Variants in MYLK2 observed in about 807,000 individuals in gnomAD.
MYLK2 encodes myosin light chain kinase 2, skeletal/cardiac muscle.
In MYLK2, 27 loss-of-function variants were observed where a neutral mutation model predicts 58.2. The ratio of observed to expected loss-of-function variants is 0.46; its 90% confidence interval spans 0.34 to 0.64. The LOEUF (loss-of-function observed/expected upper bound fraction) is 0.64, where lower values mean the gene tolerates loss of function less well. MYLK2 is among the 30% of genes least tolerant of loss of function. The probability of loss-of-function intolerance (pLI) is 0.01; values close to 1 mark genes in which losing one functional copy is unlikely to be tolerated. For synonymous variants in MYLK2, 310 were observed against 296.7 expected (o/e 1.04, Z -0.46); for missense variants, 676 against 764.3 (o/e 0.88, Z 1.36).
intron 4 of MYLK2, among the ~76,000 whole-genome samples, chr20:31,822,788 C>T (rs1383293111): frequency 2.0e-5 from 3 of 152,178 alleles, no homozygotes; most frequent in African/African-American, 7.2e-5. Context: ...CCCTAGCAGC[C>T]GCAGAGACCT....
intron 6 of MYLK2, among the ~76,000 whole-genome samples, chr20:31,825,331 G>A (rs529464941): frequency 6.6e-6 from 1 of 152,248 alleles, no homozygotes; most frequent in African/African-American, 2.4e-5. Context: ...ACAGGCTCTG[G>A]CTCAGCATAG....
chr20:31,832,681 C>CG (rs774920459), intron 12 of MYLK2, among the ~76,000 whole-genome samples: 1 of 151,950 alleles, frequency 6.6e-6, no homozygotes, highest in Non-Finnish European at 1.5e-5. Context: ...TTAGTGGAGA[C>CG]GGGGTTTCAC....
chr20:31,831,711 G>A lies in MYLK2; in HGVS notation c.1433G>A (p.Gly478Asp), dbSNP rs1338253947. 2.5e-6 allele frequency: 4 copies of A among 1,613,968 alleles called. No homozygotes were observed. The highest frequency in any genetic ancestry group is 1.7e-5 in the Admixed American group (1 of 59,998). ...MGVITYMLLS[G>D]LSPFLGDDDT... Reference sequence around the variant, plus strand: ...CTATCCCCTCCCTCTAGGCTGAGCGGCCTCTCCCCCTTCCTGGGAGATGAT... The same window carrying A: ...CTATCCCCTCCCTCTAGGCTGAGCGACCTCTCCCCCTTCCTGGGAGATGAT... The change falls in exon 11 of 13, where the codon GGC (glycine) becomes GAC (aspartate). Residue 478 changes from glycine to aspartate, a missense_variant. Physicochemically the swap from Gly to Asp is moderately conservative, Grantham distance 94. Around this residue, in one of 2 missense-constraint regions of MYLK2, gnomAD observed 370 missense variants for 467.8 expected, o/e 0.79. Coordinates refer to ENST00000375985, the MANE Select transcript of MYLK2 (RefSeq NM_033118.4).
intron 4 of MYLK2, among the ~76,000 whole-genome samples, chr20:31,822,564 C>T (rs908969161): frequency 1.3e-5 from 2 of 151,762 alleles, no homozygotes; most frequent in African/African-American, 4.8e-5. Flanking sequence ...GCTTGGCCAG[C>T]AGGTGAATAG....
intron 8 of MYLK2, 118 bp from the exon 9 acceptor site, chr20:31,830,701 C>A: frequency 9.6e-7 from 1 of 1,041,756 alleles, no homozygotes; most frequent in Non-Finnish European, 1.5e-6. Context: ...TCTCTGGCAG[C>A]TGCCCACTCT....
intron 12 of MYLK2, among the ~76,000 whole-genome samples, chr20:31,832,603 CT>C (rs1412591819): frequency 2.0e-5 from 3 of 152,192 alleles, no homozygotes; most frequent in African/African-American, 7.2e-5. Flanking sequence ...AGCAATTCTC[CT>C]GCCTCAGCCT....
chr20:31,820,423 C>T lies in MYLK2; in HGVS notation c.350C>T (p.Ala117Val), dbSNP rs1229709568. Residue 117 changes from alanine to valine, a missense_variant, in exon 3 of 13, where the codon GCC (alanine) becomes GTC (valine). By Grantham distance (64) the Ala-to-Val change is moderately conservative. This residue lies in a region of MYLK2 where 306 missense variants were observed against 296.5 expected (regional missense o/e 1.03). Transcript: ENST00000375985. ...SVKKPKAEQGASGSQDPGKPR... is the reference protein window; with the variant it reads ...SVKKPKAEQGVSGSQDPGKPR... The stretch of plus-strand genomic sequence containing the variant: ...AAGAAGCCCAAGGCTGAGCAGGGAG[C>T]CTCAGGCAGCCAGGATCCTGGAAAG... 6.2e-7 allele frequency: 1 copy of T among 1,612,860 alleles called. No individual in the cohort carries two copies. Among genetic ancestry groups the T allele is most frequent in the East Asian group, 2.2e-5 (1 of 44,880 alleles).
chr20:31,833,672 C>T, intron 12 of MYLK2, 45 bp from the exon 13 acceptor site: 1 of 1,554,052 alleles, frequency 6.4e-7, no homozygotes, highest in Non-Finnish European at 8.9e-7. Context: ...GCAGCTGCCC[C>T]CCTGCCCTGG....
intron 6 of MYLK2, among the ~76,000 whole-genome samples, chr20:31,825,164 G>A (rs183382896): frequency 3.9e-5 from 6 of 152,328 alleles, no homozygotes; most frequent in African/African-American, 1.2e-4. Context: ...CAGTGAAAGC[G>A]TGAGAAGCAG....
chr20:31,827,072 A>G, intron 8 of MYLK2, 134 bp downstream of exon 8: 1 of 1,513,576 alleles, frequency 6.6e-7, no homozygotes, highest in Admixed American at 2.0e-5. Flanking sequence ...TCATAGATTC[A>G]GAAAGGGTTT....
At chr20:31,821,885 C>T in intron 4 of MYLK2, 148 bp downstream of exon 4, 1 of 657,636 alleles carries the variant, frequency 1.5e-6, no homozygotes, top group Non-Finnish European at 2.5e-6. Flanking sequence ...CACACAACTC[C>T]AGAAAGTATT....
In MYLK2 at chr20:31,824,620, C is replaced by T. The variant is rs902783304; in HGVS notation, c.972+268C>T. 2.9e-5 allele frequency: 28 copies of T among 951,268 alleles called. No homozygotes were observed. In the African/African-American group the frequency reaches 4.8e-4, roughly 16 times the overall value. 58.9% of individuals were successfully genotyped at this position (951,268 alleles called of 1,614,324 possible). On this transcript the variant is annotated intron_variant, in intron 6 of 12. Coordinates refer to ENST00000375985, the MANE Select transcript of MYLK2 (RefSeq NM_033118.4). The stretch of plus-strand genomic sequence containing the variant: ...GATATTCATGCCCTCTGGTTCAATT[C>T]AACAAACACTGATGAGTGTGGGCTC...
intron 4 of MYLK2, among the ~76,000 whole-genome samples, chr20:31,823,107 A>G (rs2062259645): frequency 6.6e-6 from 1 of 152,182 alleles, no homozygotes; most frequent in Non-Finnish European, 1.5e-5. Flanking sequence ...CATTATTCAG[A>G]CATAGCAACC....
Position 31,820,366 on chromosome 20 carries a change from C to G in MYLK2, c.293C>G (p.Pro98Arg). The G allele has an allele frequency of 6.2e-7, 1 of 1,612,714 alleles. No individual in the cohort carries two copies. Among genetic ancestry groups the G allele is most frequent in the Non-Finnish European group, 8.5e-7 (1 of 1,179,776 alleles). ...AGTGCTGGGCCCCCGGCAGCCCTGC[C>G]CCAGCAGACTGCGACACCTGAGACC... ...EGSAGPPAAL[P>R]QQTATPETSV... Residue 98 changes from proline (P) to arginine (R), a missense_variant, in exon 3 of 13, where the codon CCC becomes CGC. Transcript: ENST00000375985.
intron 6 of MYLK2, among the ~76,000 whole-genome samples, chr20:31,825,666 C>T (rs1887732): frequency 0.27 from 41,046 of 151,840 alleles, 6,933 homozygotes; most frequent in African/African-American, 0.47. Flanking sequence ...GATCAGTCCT[C>T]TCTGAGAAAG....
chr20:31,828,264 G>A (rs2062289988), intron 8 of MYLK2: 1 of 985,044 alleles, frequency 1.0e-6, no homozygotes, highest in Non-Finnish European at 1.2e-6. Flanking sequence ...AGCTCTGGGT[G>A]TGGAGCAGGG....
At chr20:31,827,762 G>A (rs1004710730) in intron 8 of MYLK2, among the ~76,000 whole-genome samples, 3 of 151,700 alleles carry the variant, frequency 2.0e-5, no homozygotes, top group Admixed American at 6.6e-5. Context: ...CAAGTGATCC[G>A]CCCACCTCGG....
At position 31,833,934 on chromosome 20, in the gene MYLK2, C is replaced by A; in HGVS notation, c.*137C>A. On this transcript the variant is annotated 3_prime_UTR_variant, in exon 13 of 13. Transcript: ENST00000375985. ...CAAGGCTGTGCCAGGCTGGGAGGCT[C>A]GGGGCTCCCCACGCCCCCATGCAGT... The A allele has an allele frequency of 1.3e-6, 1 of 782,402 alleles. No individual in the cohort carries two copies. Among genetic ancestry groups the A allele is most frequent in the Non-Finnish European group, 2.1e-6 (1 of 477,514 alleles). 48.5% of individuals were successfully genotyped at this position (782,402 alleles called of 1,614,324 possible).
intron 5 of MYLK2, 37 bp from the exon 6 acceptor site, chr20:31,824,222 C>T: frequency 1.2e-6 from 2 of 1,603,794 alleles, no homozygotes; most frequent in East Asian, 4.5e-5. Flanking sequence ...CCGGTGGGCT[C>T]TGGGGTCCCC....
Sources: allele counts gnomAD v4.1 joint callset (sites outside exome capture counted in the v4.1 genomes callset), GRCh38; gene constraint gnomAD v4.1.1; regional missense constraint gnomAD v4.1.1; transcripts MANE v1.5; gene names NCBI Gene and HGNC (gene_info 2026-07-23, HGNC 2026-07-21).